PCLO: variants seen among roughly 807,000 people sequenced by gnomAD.
PCLO encodes the protein piccolo presynaptic cytomatrix protein, also known as protein piccolo.
Under a neutral mutation model 427.5 loss-of-function variants are expected in PCLO, and 82 were observed. The observed-to-expected ratio is 0.19, with a 90% CI of 0.16 to 0.23. The LOEUF is 0.23. Ranked by LOEUF, PCLO falls within the 10% of genes least tolerant of loss-of-function variation. PCLO has a pLI of 1.00. For missense variants in PCLO, 6,239 were observed against 6,115.9 expected (o/e 1.02, Z -0.67); for synonymous variants, 2,357 against 2,155.4 (o/e 1.09, Z -2.59).
chr7:82,830,479 A>G (rs1792067141), intron 16 of PCLO, among the ~76,000 whole-genome samples: 1 of 151,944 alleles, frequency 6.6e-6, no homozygotes, highest in Non-Finnish European at 1.5e-5. Flanking sequence ...CATAGAAAGA[A>G]TTAGTGACGA....
chr7:82,980,496 T>C (rs997491588), intron 3 of PCLO, among the ~76,000 whole-genome samples: 2 of 152,112 alleles, frequency 1.3e-5, no homozygotes, highest in Admixed American at 6.6e-5. Context: ...GGAAAGAATA[T>C]GATAAAGAAA....
At position 82,999,802 on chromosome 7, in the gene PCLO, ATAT is replaced by A. The variant is rs1262946324; in HGVS notation, c.3301-33318_3301-33316del. ...TATTATATATAAAATATAATATATA[ATAT>A]TATATATAAAATATAATATATAATA... On this transcript the variant is annotated intron_variant, in intron 3 of 24. Coordinates refer to ENST00000333891, the MANE Select transcript of PCLO (RefSeq NM_033026.6). Among the ~76,000 whole-genome samples, 12 of 109,434 alleles carry A rather than the reference ATAT, an allele frequency of 1.1e-4. 4 individuals are homozygous for A. The highest frequency in any genetic ancestry group is 2.3e-4 in the Admixed American group (2 of 8,874). The allele number at this position is 109,434 out of a possible 152,430, so 71.8% of individuals were successfully genotyped here. A position where few individuals can be genotyped will look rare whatever the true frequency, so the allele number is the denominator to read the frequency against.
chr7:83,005,585 CA>C (rs1368341499), intron 3 of PCLO, among the ~76,000 whole-genome samples: 4 of 151,368 alleles, frequency 2.6e-5, no homozygotes, highest in Non-Finnish European at 4.4e-5. Flanking sequence ...ACCAGGGGGA[CA>C]AAAAAGTACA....
At chr7:83,001,195 TAA>T (rs1198715446) in intron 3 of PCLO, among the ~76,000 whole-genome samples, 1 of 152,016 alleles carries the variant, frequency 6.6e-6, no homozygotes, top group Non-Finnish European at 1.5e-5. Flanking sequence ...TTGTGAATTT[TAA>T]AAGTCTGGAA....
chr7:83,052,473 G>GTAAAAAGGAAACACTGA (rs1338925947), intron 3 of PCLO, among the ~76,000 whole-genome samples: 1 of 151,968 alleles, frequency 6.6e-6, no homozygotes, highest in Non-Finnish European at 1.5e-5. Flanking sequence ...AGTTACACTG[G>GTAAAAAGGAAACACTGA]TAAAAAGGAA....
At chr7:82,922,732 A>T (rs2116304644) in intron 6 of PCLO, among the ~76,000 whole-genome samples, 1 of 152,146 alleles carries the variant, frequency 6.6e-6, no homozygotes, top group African/African-American at 2.4e-5. Context: ...CTCTGAACCT[A>T]AAATAGAAGT....
chr7:83,024,151 C>T (rs1417939150), intron 3 of PCLO, among the ~76,000 whole-genome samples: 11 of 152,300 alleles, frequency 7.2e-5, no homozygotes, highest in African/African-American at 2.6e-4. Flanking sequence ...CCAGCGTGAG[C>T]GACGCAGAAG....
intron 3 of PCLO, among the ~76,000 whole-genome samples, chr7:83,098,705 T>G (rs1440744504): frequency 1.3e-5 from 2 of 152,150 alleles, no homozygotes; most frequent in Admixed American, 6.5e-5. Context: ...GTTTTCTTAC[T>G]GAGAAGAGTT....
rs183355498 is a variant in PCLO at position 83,053,009 on chromosome 7, T to C, written c.3300+81241A>G. 9.2e-5 allele frequency among the ~76,000 whole-genome samples: 14 copies of C among 152,124 alleles called. No homozygotes were observed. The East Asian group carries it at 2.7e-3, about 29-fold the overall frequency. The stretch of plus-strand genomic sequence containing the variant: ...CAAATAATATCCTACTTATAATTCT[T>C]AAAAGGGTTTATATTTCCCTCTTGG... On this transcript the variant is annotated intron_variant, in intron 3 of 24. Transcript: ENST00000333891.
Position 83,156,067 on chromosome 7 carries a change from T to G in PCLO, c.574A>C (p.Lys192Gln). 6.2e-7 allele frequency: 1 copy of G among 1,613,774 alleles called. No homozygotes were observed. The highest frequency in any genetic ancestry group is 8.5e-7 in the Non-Finnish European group (1 of 1,179,844). Residue 192 changes from lysine to glutamine, a missense_variant, in exon 2 of 25, where the codon AAA (lysine) becomes CAA (glutamine). Transcript: ENST00000333891. ...SEASQEETTK[K>Q]QKVVQKEQGK... is the part of the protein sequence containing the mutation. ...TGCTCCTTCTGAACCACTTTTTGTT[T>G]CTTGGTGGTTTCTTCCTGGGATGCC... is the stretch of plus-strand genomic sequence containing the variant.
intron 2 of PCLO, among the ~76,000 whole-genome samples, chr7:83,143,484 A>G (rs951449862): frequency 2.6e-5 from 4 of 152,206 alleles, no homozygotes; most frequent in African/African-American, 7.2e-5. Context: ...AATTTCTGCT[A>G]TGTAATTCAG....
chr7:83,116,637 G>A (rs1393606951), intron 3 of PCLO, among the ~76,000 whole-genome samples: 1 of 152,042 alleles, frequency 6.6e-6, no homozygotes, highest in African/African-American at 2.4e-5. Flanking sequence ...ATTTTTTGTG[G>A]TGAGAACACT....
intron 9 of PCLO, among the ~76,000 whole-genome samples, chr7:82,891,088 G>T (rs1441958961): frequency 6.6e-6 from 1 of 151,902 alleles, no homozygotes; most frequent in Non-Finnish European, 1.5e-5. Context: ...TTGACAGAGG[G>T]CTTATTGCTG....
chr7:83,096,934 A>T (rs13237807), intron 3 of PCLO, among the ~76,000 whole-genome samples: 1 of 48,740 alleles, frequency 2.1e-5, no homozygotes, highest in African/African-American at 9.0e-5. Flanking sequence ...ATATAATATA[A>T]TATATTATAT....
intron 3 of PCLO, among the ~76,000 whole-genome samples, chr7:82,970,950 C>G (rs947735485): frequency 6.6e-6 from 1 of 151,714 alleles, no homozygotes; most frequent in Non-Finnish European, 1.5e-5. Context: ...TTGCTTCTCC[C>G]AAAATTTTGG....
rs865823280 is a variant in PCLO, at chr7:83,038,009, A to T, written c.3301-71522T>A. The stretch of plus-strand genomic sequence containing the variant: ...GGAGCTTATATATATATATATATAT[A>T]TATATATATATATATATATATTTAT... On this transcript the variant is annotated intron_variant, in intron 3 of 24. Transcript: ENST00000333891. Among the ~76,000 whole-genome samples, 44 of 43,346 alleles carry T rather than the reference A, an allele frequency of 1.0e-3. 7 individuals carry two copies. The highest frequency in any genetic ancestry group is 6.4e-3 in the African/African-American group (42 of 6,576). The allele number at this position is 43,346 out of a possible 152,430, so 28.4% of individuals were successfully genotyped here.
chr7:83,157,734 A>G (rs1306822091), intron 1 of PCLO, among the ~76,000 whole-genome samples: 1 of 151,958 alleles, frequency 6.6e-6, no homozygotes, highest in Non-Finnish European at 1.5e-5. Context: ...AATTAGAATT[A>G]TGGAGAAAAT....
intron 3 of PCLO, among the ~76,000 whole-genome samples, chr7:83,091,447 C>T (rs1291022920): frequency 6.6e-6 from 1 of 152,178 alleles, no homozygotes; most frequent in African/African-American, 2.4e-5. Flanking sequence ...CAGTACTTTG[C>T]CACTTCTATA....
chr7:82,947,835 G>T (rs1795239937), intron 6 of PCLO, among the ~76,000 whole-genome samples: 1 of 152,018 alleles, frequency 6.6e-6, no homozygotes, highest in Non-Finnish European at 1.5e-5. Context: ...TTTCCAAGTG[G>T]ATACATTTCC....
Sources: allele counts gnomAD v4.1 joint callset (sites outside exome capture counted in the v4.1 genomes callset), GRCh38; gene constraint gnomAD v4.1.1; transcripts MANE v1.5; gene names NCBI Gene and HGNC (gene_info 2026-07-23, HGNC 2026-07-21).